Variants in RBFOX1 observed in about 807,000 individuals in gnomAD.
RBFOX1 encodes RNA binding fox-1 homolog 1, also known as RNA binding protein fox-1 homolog 1.
A neutral mutation model predicts 57.7 loss-of-function variants in RBFOX1; 8 were observed. The ratio of observed to expected loss-of-function variants is 0.14; its 90% CI spans 0.08 to 0.25. The LOEUF (loss-of-function observed/expected upper bound fraction) is 0.25, where lower values mean the gene tolerates loss of function less well. Among genes scored for constraint, RBFOX1 ranks in the 10% least tolerant of loss-of-function variants. The pLI is 1.00. For missense variants in RBFOX1, 611 were observed against 548.5 expected (o/e 1.11, Z -1.14); for synonymous variants, 326 against 222.4 (o/e 1.47, Z -4.15).
Position 7,518,318 on chromosome 16 carries a change from C to T in RBFOX1, c.199C>T (p.Pro67Ser), listed in dbSNP as rs143573994. Residue 67 changes from proline to serine, a missense_variant, in exon 5 of 16, where the codon CCT becomes TCT. By Grantham distance (74) the Pro-to-Ser change is moderately conservative (BLOSUM62 -1). This residue lies in a region of RBFOX1 where 245 missense variants were observed against 159.1 expected (regional missense o/e 1.54). Coordinates refer to ENST00000550418, the MANE Select transcript of RBFOX1 (RefSeq NM_018723.4). ...TVPEHTLNLY[P>S]PAQTHSEQSP... ...TCCCGAGCACACATTAAACCTGTAC[C>T]CTCCCGCCCAGACGCACTCCGAGCA... 2.9e-5 allele frequency: 47 copies of T among 1,613,980 alleles called. No homozygotes were observed. The highest frequency in any genetic ancestry group is 1.6e-4 in the Middle Eastern group (1 of 6,084).
At chr16:6,231,198 G>A (rs200032862) in intron 1 of RBFOX1, among the ~76,000 whole-genome samples, 1 of 137,170 alleles carries the variant, frequency 7.3e-6, no homozygotes, top group South Asian at 2.6e-4. Flanking sequence ...AGATAGAGGG[G>A]TGTGTGTGTG....
intron 2 of RBFOX1, among the ~76,000 whole-genome samples, chr16:5,527,890 G>T (rs2044306445): frequency 6.6e-6 from 1 of 152,142 alleles, no homozygotes; most frequent in South Asian, 2.1e-4. Flanking sequence ...CGGTTTAATT[G>T]TAAAACATGG....
chr16:6,864,595 A>C (rs13337531), intron 3 of RBFOX1, among the ~76,000 whole-genome samples: 1,612 of 146,084 alleles, frequency 0.011, 23 homozygotes, highest in African/African-American at 0.039. Flanking sequence ...AACAGGCTGG[A>C]TGTGTCAACG....
At chr16:7,006,298 G>A (rs2093293102) in intron 3 of RBFOX1, among the ~76,000 whole-genome samples, 1 of 152,090 alleles carries the variant, frequency 6.6e-6, no homozygotes, top group South Asian at 2.1e-4. Context: ...GGGATTACAG[G>A]TACACACCAG....
intron 3 of RBFOX1, among the ~76,000 whole-genome samples, chr16:5,611,005 A>T (rs748859952): frequency 2.6e-5 from 4 of 152,250 alleles, no homozygotes; most frequent in African/African-American, 4.8e-5. Flanking sequence ...AGAGCATCCT[A>T]CGATGTGGCC....
At chr16:5,575,322 C>G (rs980375142) in intron 2 of RBFOX1, among the ~76,000 whole-genome samples, 2 of 152,190 alleles carry the variant, frequency 1.3e-5, no homozygotes, top group African/African-American at 4.8e-5. Context: ...TCATCATCAT[C>G]TTCATTAGCG....
chr16:6,461,723 A>T (rs1484905761), intron 2 of RBFOX1, among the ~76,000 whole-genome samples: 1 of 152,180 alleles, frequency 6.6e-6, no homozygotes, highest in Non-Finnish European at 1.5e-5. Context: ...GGCAATCTGC[A>T]GATTAATGGG....
At chr16:5,382,377 T>C (rs189075666) in intron 1 of RBFOX1, among the ~76,000 whole-genome samples, 53 of 144,508 alleles carry the variant, frequency 3.7e-4, no homozygotes, top group African/African-American at 1.2e-3. Context: ...TGCTATGAAA[T>C]CATGCCATTT....
chr16:6,262,334 C>T (rs1199567038), intron 1 of RBFOX1, among the ~76,000 whole-genome samples: 1 of 152,078 alleles, frequency 6.6e-6, no homozygotes, highest in Non-Finnish European at 1.5e-5. Context: ...CGAAATTAGT[C>T]ACATGGGTAC....
At chr16:6,451,459 G>T (rs1230026415) in intron 2 of RBFOX1, among the ~76,000 whole-genome samples, 1 of 152,138 alleles carries the variant, frequency 6.6e-6, no homozygotes, top group East Asian at 1.9e-4. Context: ...GATGCAAGGA[G>T]ACAGAGAGAC....
rs183277235 is a variant in RBFOX1 at position 7,055,752 on chromosome 16, A to C, written c.27+3654A>C. ...ACCTGCACAAAAGTAGGATTTACTTAAACTGGAGGAAGCAGAAAATGCACT... is the reference window on the plus strand; with the variant it reads ...ACCTGCACAAAAGTAGGATTTACTTCAACTGGAGGAAGCAGAAAATGCACT... On this transcript the variant is annotated intron_variant, in intron 4 of 15. Coordinates refer to ENST00000550418, the MANE Select transcript of RBFOX1 (RefSeq NM_018723.4). 1.9e-3 allele frequency among the ~76,000 whole-genome samples: 283 copies of C among 152,324 alleles called. 4 individuals carry two copies. The highest frequency in any genetic ancestry group is 3.3e-3 in the Non-Finnish European group (225 of 68,034).
chr16:5,957,174 A>G (rs917830242), intron 4 of RBFOX1, among the ~76,000 whole-genome samples: 1 of 152,138 alleles, frequency 6.6e-6, no homozygotes, highest in South Asian at 2.1e-4. Flanking sequence ...GGTGATTGAT[A>G]TGCTACGATC....
chr16:7,666,124 C>T (rs1421558428), intron 13 of RBFOX1, among the ~76,000 whole-genome samples: 1 of 151,990 alleles, frequency 6.6e-6, no homozygotes, highest in African/African-American at 2.4e-5. Context: ...TTCAGACTTT[C>T]AGATTTTAAA....
intron 4 of RBFOX1, among the ~76,000 whole-genome samples, chr16:7,236,367 C>T (rs1271345289): frequency 6.6e-6 from 1 of 152,114 alleles, no homozygotes; most frequent in African/African-American, 2.4e-5. Flanking sequence ...TCTCCCCTTC[C>T]TATTTTGTCT....
chr16:7,579,212 C>G (rs2093565687), intron 5 of RBFOX1, among the ~76,000 whole-genome samples: 1 of 152,180 alleles, frequency 6.6e-6, no homozygotes, highest in Admixed American at 6.5e-5. Context: ...AAGAATAAGT[C>G]AATCAGCTGG....
intron 2 of RBFOX1, among the ~76,000 whole-genome samples, chr16:6,431,892 GCTTGCTTTCTTT>G (rs1239550781): frequency 0.012 from 1,360 of 117,984 alleles, 15 homozygotes; most frequent in African/African-American, 0.036. Flanking sequence ...ATGCTTGCTT[GCTTGCTTTCTTT>G]CTTTCTTTCT....
chr16:5,687,977 C>G (rs1163772699), intron 3 of RBFOX1, among the ~76,000 whole-genome samples: 1 of 152,116 alleles, frequency 6.6e-6, no homozygotes, highest in Admixed American at 6.5e-5. Context: ...TGTAATTTTT[C>G]TTCTCGTTCT....
intron 3 of RBFOX1, among the ~76,000 whole-genome samples, chr16:6,876,807 G>A (rs2061935286): frequency 6.6e-6 from 1 of 152,062 alleles, no homozygotes; most frequent in South Asian, 2.1e-4. Context: ...AACTGTATCT[G>A]CTAAAACTGA....
intron 4 of RBFOX1, among the ~76,000 whole-genome samples, chr16:7,184,276 A>T (rs551018002): frequency 6.6e-6 from 1 of 152,204 alleles, no homozygotes; most frequent in Non-Finnish European, 1.5e-5. Flanking sequence ...TTTTAGGACA[A>T]TAGGAAGCTG....
Sources: gnomAD v4.1 joint callset for allele counts (sites outside exome capture counted in the v4.1 genomes callset) on GRCh38, gnomAD v4.1.1 for gene constraint, gnomAD v4.1.1 regional missense constraint, MANE v1.5 for transcripts, NCBI Gene and HGNC (gene_info 2026-07-23, HGNC 2026-07-21) for gene names.